Variants in PAPSS2 observed in about 807,000 individuals in gnomAD.
PAPSS2 encodes bifunctional 3'-phosphoadenosine 5'-phosphosulfate synthase 2.
A neutral mutation model predicts 66.5 loss-of-function variants in PAPSS2; 61 were observed. The observed-to-expected ratio is 0.92, with a 90% CI of 0.75 to 1.14. The LOEUF is 1.14. Among genes scored for constraint, PAPSS2 ranks in the 50% most tolerant of loss-of-function variants. PAPSS2 has a pLI of 0.00. For missense variants in PAPSS2, 708 were observed against 789.6 expected, an observed-to-expected ratio of 0.90 and a Z score of 1.24; for synonymous variants, 289 against 287.5, an observed-to-expected ratio of 1.01 and a Z score of -0.05.
chr10:87,696,433 G>T (rs1853235579), intron 1 of PAPSS2, among the ~76,000 whole-genome samples: 1 of 152,170 alleles, frequency 6.6e-6, no homozygotes, highest in Non-Finnish European at 1.5e-5. Flanking sequence ...CCACTTTGGA[G>T]AGACAAAAGG....
intron 1 of PAPSS2, among the ~76,000 whole-genome samples, chr10:87,670,949 G>A (rs1340166168): frequency 6.6e-6 from 1 of 152,160 alleles, no homozygotes; most frequent in Non-Finnish European, 1.5e-5. Context: ...ATTCAGGAAG[G>A]CACCTTGTGT....
chr10:87,661,133 G>A (rs1852746951), intron 1 of PAPSS2: 2 of 368,434 alleles, frequency 5.4e-6, no homozygotes, highest in Non-Finnish European at 1.0e-5. Flanking sequence ...GTGGGCCGGG[G>A]AGAGGTTTAA....
At position 87,660,348 on chromosome 10, in the gene PAPSS2, A is replaced by G. The variant is rs567039133; in HGVS notation, c.27+340A>G. 3.5e-4 allele frequency: 164 copies of G among 472,282 alleles called. 4 individuals carry two copies. The South Asian group carries it at 4.2e-3, about 12-fold the overall frequency. The allele number at this position is 472,282 out of a possible 1,614,324, so 29.3% of individuals were successfully genotyped here. On this transcript the variant is annotated intron_variant, in intron 1 of 12. Transcript: ENST00000456849. ...CTTTCTTTCCCAAGAGCTCTTCCAG[A>G]CCCGCCTTTTCTTCTGTAGGGTCTC...
intron 1 of PAPSS2, among the ~76,000 whole-genome samples, chr10:87,665,236 G>A (rs893959961): frequency 7.3e-5 from 11 of 151,052 alleles, no homozygotes; most frequent in Middle Eastern, 6.8e-3. Context: ...TTTGGAGACA[G>A]AGTCTCGCAC....
At chr10:87,728,617 G>A (rs1853688666) in intron 9 of PAPSS2, among the ~76,000 whole-genome samples, 1 of 152,120 alleles carries the variant, frequency 6.6e-6, no homozygotes, top group African/African-American at 2.4e-5. Flanking sequence ...GCGGGCACCT[G>A]TAATCCCAGC....
chr10:87,744,971 G>T, intron 11 of PAPSS2, 31 bp from the exon 12 acceptor site: 1 of 1,587,090 alleles, frequency 6.3e-7, no homozygotes, highest in South Asian at 1.1e-5. Flanking sequence ...GACCCACAAT[G>T]ACCAGCATGT....
At chr10:87,690,974 G>A (rs1309027614) in intron 1 of PAPSS2, among the ~76,000 whole-genome samples, 1 of 152,126 alleles carries the variant, frequency 6.6e-6, no homozygotes, top group Non-Finnish European at 1.5e-5. Context: ...CATTCTGCTT[G>A]TTCAAGGGAA....
intron 1 of PAPSS2, among the ~76,000 whole-genome samples, chr10:87,691,807 TAGCCAGG>T (rs1374130789): frequency 7.2e-5 from 11 of 152,266 alleles, no homozygotes; most frequent in African/African-American, 2.6e-4. Flanking sequence ...TTTTAAAAAT[TAGCCAGG>T]TATGGTCGGT....
chr10:87,663,456 A>C lies in PAPSS2; in HGVS notation c.27+3448A>C, dbSNP rs1479253092. Among the ~76,000 whole-genome samples the C allele has an allele frequency of 3.9e-5, 6 of 152,256 alleles. No individual in the cohort carries two copies. In the East Asian group the frequency reaches 1.2e-3, roughly 29 times the overall value. ...ACTATATAAAGACACTACCGAAGGC[A>C]AGACATGAATTCTAGATGAGCAACT... On this transcript the variant is annotated intron_variant, in intron 1 of 12. Coordinates refer to ENST00000456849, the MANE Select transcript of PAPSS2 (RefSeq NM_001015880.2).
At chr10:87,682,883 T>A (rs887484532) in intron 1 of PAPSS2, among the ~76,000 whole-genome samples, 2 of 152,064 alleles carry the variant, frequency 1.3e-5, no homozygotes, top group Non-Finnish European at 2.9e-5. Context: ...AAGCCTTTTT[T>A]CTCCACCAGG....
intron 8 of PAPSS2, among the ~76,000 whole-genome samples, chr10:87,725,877 G>A (rs988566031): frequency 2.8e-5 from 2 of 71,082 alleles, no homozygotes; most frequent in Non-Finnish European, 5.0e-5. Context: ...AAAAAAATAT[G>A]TGTGTATACA....
intron 8 of PAPSS2, 76 bp downstream of exon 8, chr10:87,721,846 A>G: frequency 1.1e-6 from 1 of 872,744 alleles, no homozygotes; most frequent in Non-Finnish European, 1.8e-6. Context: ...GGTTAAGAAC[A>G]TAACTAAAAG....
chr10:87,681,911 G>A (rs1468121528), intron 1 of PAPSS2, among the ~76,000 whole-genome samples: 2 of 152,112 alleles, frequency 1.3e-5, no homozygotes, highest in African/African-American at 4.8e-5. Context: ...ATTCCATTGT[G>A]TGGGTATACC....
chr10:87,732,298 G>A (rs932809276), intron 9 of PAPSS2, among the ~76,000 whole-genome samples: 18 of 152,108 alleles, frequency 1.2e-4, no homozygotes, highest in Middle Eastern at 3.2e-3. Flanking sequence ...TTGGGAGGCC[G>A]ATTGTTTCAG....
chr10:87,714,804 A>G lies in PAPSS2; in HGVS notation c.580A>G (p.Thr194Ala), dbSNP rs1342811734. The G allele has an allele frequency of 1.2e-6, 2 of 1,613,644 alleles. No individual in the cohort carries two copies. Among genetic ancestry groups the G allele is most frequent in the Non-Finnish European group, 1.7e-6 (2 of 1,179,716 alleles). The change falls in exon 5 of 13, where the codon ACC becomes GCC. Residue 194 changes from threonine to alanine, a missense_variant. Transcript: ENST00000456849. ...TGAAACTCCTGAGCGTGTGCTTAAA[A>G]CCAATTTGTCCACAGTGAGTGACTG... is the stretch of plus-strand genomic sequence containing the variant. Reference protein sequence around the residue: ...KPETPERVLKTNLSTVSDCVH... With the variant: ...KPETPERVLKANLSTVSDCVH...
chr10:87,708,466 G>C (rs1033816179), intron 1 of PAPSS2, among the ~76,000 whole-genome samples: 2 of 152,118 alleles, frequency 1.3e-5, no homozygotes, highest in Non-Finnish European at 2.9e-5. Flanking sequence ...TTTTCACTGC[G>C]ATCTGGGCCT....
chr10:87,685,211 G>A (rs539349427), intron 1 of PAPSS2, among the ~76,000 whole-genome samples: 26 of 152,292 alleles, frequency 1.7e-4, no homozygotes, highest in African/African-American at 5.8e-4. Flanking sequence ...GCTTGTCTCT[G>A]TGTTGGTATA....
chr10:87,739,026 AT>A, intron 9 of PAPSS2, among the ~76,000 whole-genome samples: 1 of 151,832 alleles, frequency 6.6e-6, no homozygotes, highest in South Asian at 2.1e-4. Context: ...AGTAGTTGCA[AT>A]TTTTTTTGCT....
intron 1 of PAPSS2, among the ~76,000 whole-genome samples, chr10:87,706,134 GTGTGTGTA>G (rs1291801419): frequency 2.5e-5 from 3 of 121,942 alleles, no homozygotes; most frequent in South Asian, 3.0e-4. Context: ...GTGTGTGTGT[GTGTGTGTA>G]TATATATACC....
Sources: gnomAD v4.1 joint callset for allele counts (sites outside exome capture counted in the v4.1 genomes callset) on GRCh38, gnomAD v4.1.1 for gene constraint, MANE v1.5 for transcripts, NCBI Gene and HGNC (gene_info 2026-07-23, HGNC 2026-07-21) for gene names.